NTM: variants seen among roughly 807,000 people sequenced by gnomAD.
NTM encodes IgLON family member 2.
In NTM, 13 loss-of-function variants were observed where a neutral mutation model predicts 42.1. That is an observed-to-expected ratio of 0.31 (90% CI 0.20 to 0.49). The LOEUF (loss-of-function observed/expected upper bound fraction) is 0.49, where lower values mean the gene tolerates loss of function less well. Ranked by LOEUF, NTM falls within the 20% of genes least tolerant of loss-of-function variation. The pLI, the probability that NTM is intolerant of heterozygous loss-of-function variation, is 0.99. For synonymous variants in NTM, 187 were observed against 179.2 expected, an observed-to-expected ratio of 1.04 and a Z score of -0.35; for missense variants, 373 against 452.8, an observed-to-expected ratio of 0.82 and a Z score of 1.60.
At chr11:132,272,120 T>A (rs374116760) in intron 4 of NTM, among the ~76,000 whole-genome samples, 1 of 152,100 alleles carries the variant, frequency 6.6e-6, no homozygotes, top group African/African-American at 2.4e-5. Context: ...CATCATTTGT[T>A]GAAAAGACTA....
At chr11:131,907,470 C>CTT (rs962956632) in intron 1 of NTM, among the ~76,000 whole-genome samples, 2 of 152,198 alleles carry the variant, frequency 1.3e-5, no homozygotes, top group African/African-American at 4.8e-5. Flanking sequence ...TGATTGTTTC[C>CTT]TTTTGCTCAG....
Position 131,657,543 on chromosome 11 carries a change from C to A in NTM, c.83-254021C>A, listed in dbSNP as rs555822144. 5.7e-4 allele frequency among the ~76,000 whole-genome samples: 87 copies of A among 152,302 alleles called. 2 individuals carry two copies. The South Asian group carries it at 0.014, about 25-fold the overall frequency. On this transcript the variant is annotated intron_variant, in intron 1 of 8. Transcript: ENST00000683400. ...TTGTTATTAGCACCAAAATAGAAGA[C>A]ACTTCTCCACTGTCTCCTCAGAACA...
chr11:131,917,957 C>A (rs931642645), intron 2 of NTM, among the ~76,000 whole-genome samples: 1 of 152,226 alleles, frequency 6.6e-6, no homozygotes, highest in African/African-American at 2.4e-5. Flanking sequence ...TCACTGAAAG[C>A]TAGAGGAGGC....
At chr11:132,182,640 T>C (rs2077743877) in intron 3 of NTM, among the ~76,000 whole-genome samples, 1 of 152,224 alleles carries the variant, frequency 6.6e-6, no homozygotes, top group Admixed American at 6.5e-5. Context: ...AGTAGTAATC[T>C]GGTAGCTATC....
chr11:131,827,592 A>G (rs1301328987), intron 1 of NTM, among the ~76,000 whole-genome samples: 2 of 152,162 alleles, frequency 1.3e-5, no homozygotes, highest in African/African-American at 4.8e-5. Context: ...GTTTTGTCCA[A>G]AACCTGAAGC....
At chr11:132,111,915 A>G (rs2063259160) in intron 2 of NTM, among the ~76,000 whole-genome samples, 1 of 152,254 alleles carries the variant, frequency 6.6e-6, no homozygotes, top group Admixed American at 6.5e-5. Context: ...CTTGAGGCAG[A>G]AGGAAACCAG....
chr11:131,781,985 T>C (rs2088230603), intron 1 of NTM, among the ~76,000 whole-genome samples: 1 of 152,216 alleles, frequency 6.6e-6, no homozygotes, highest in African/African-American at 2.4e-5. Context: ...CACAGCATGG[T>C]GGAGGACTCC....
At chr11:132,154,450 A>G (rs538963450) in intron 3 of NTM, among the ~76,000 whole-genome samples, 9 of 151,886 alleles carry the variant, frequency 5.9e-5, no homozygotes, top group South Asian at 2.1e-4. Flanking sequence ...CAATACGTCA[A>G]TTTTCAAAAT....
intron 1 of NTM, among the ~76,000 whole-genome samples, chr11:131,716,300 G>T (rs879616337): frequency 1.3e-5 from 2 of 152,086 alleles, no homozygotes; most frequent in South Asian, 2.1e-4. Context: ...TTGAGAGTTA[G>T]AATTCCTTTC....
At chr11:131,843,524 C>A (rs748961688) in intron 1 of NTM, among the ~76,000 whole-genome samples, 6 of 152,294 alleles carry the variant, frequency 3.9e-5, no homozygotes, top group Admixed American at 2.0e-4. Flanking sequence ...TATTGCAAGA[C>A]CTGTGGGCTG....
At chr11:131,869,373 T>C (rs2047551266) in intron 1 of NTM, among the ~76,000 whole-genome samples, 1 of 152,200 alleles carries the variant, frequency 6.6e-6, no homozygotes, top group African/African-American at 2.4e-5. Flanking sequence ...AACAACTCCT[T>C]CTACCTTTCG....
At chr11:132,197,013 A>T (rs750742369) in intron 3 of NTM, among the ~76,000 whole-genome samples, 21 of 152,248 alleles carry the variant, frequency 1.4e-4, no homozygotes, top group Non-Finnish European at 2.9e-4. Flanking sequence ...AGGGAGGTTA[A>T]GGCTGATGGC....
intron 4 of NTM, among the ~76,000 whole-genome samples, chr11:132,272,345 G>A (rs1314555853): frequency 6.6e-6 from 1 of 152,032 alleles, no homozygotes; most frequent in African/African-American, 2.4e-5. Context: ...TTTCAATATT[G>A]TTTTAGTTCT....
intron 7 of NTM, among the ~76,000 whole-genome samples, chr11:132,319,867 C>G (rs976351860): frequency 1.3e-5 from 2 of 152,216 alleles, no homozygotes; most frequent in South Asian, 2.1e-4. Context: ...AGGCACCCCC[C>G]AGTAGGGGCA....
chr11:132,221,673 C>G (rs1459392307), intron 4 of NTM, among the ~76,000 whole-genome samples: 1 of 152,176 alleles, frequency 6.6e-6, no homozygotes, highest in East Asian at 1.9e-4. Context: ...GATGCAAGCT[C>G]AAGTTTGAGA....
At chr11:132,190,183 A>G (rs1004651718) in intron 3 of NTM, among the ~76,000 whole-genome samples, 4 of 152,172 alleles carry the variant, frequency 2.6e-5, no homozygotes, top group African/African-American at 7.2e-5. Context: ...GTTACATTCC[A>G]ATGAGAAGAG....
At chr11:131,777,966 T>C (rs1301685419) in intron 1 of NTM, among the ~76,000 whole-genome samples, 1 of 152,194 alleles carries the variant, frequency 6.6e-6, no homozygotes, top group African/African-American at 2.4e-5. Context: ...GCATAGATCA[T>C]TGGTGGATTT....
intron 1 of NTM, among the ~76,000 whole-genome samples, chr11:131,530,145 C>T (rs757172788): frequency 3.9e-5 from 6 of 152,172 alleles, no homozygotes; most frequent in Non-Finnish European, 5.9e-5. Context: ...TTACCAGGCA[C>T]TTTAAGGCAA....
intron 4 of NTM, among the ~76,000 whole-genome samples, chr11:132,307,440 T>C (rs895062498): frequency 6.6e-6 from 1 of 152,166 alleles, no homozygotes; most frequent in African/African-American, 2.4e-5. Context: ...AGTAATTCTC[T>C]AGGCACTGTG....
Sources: gnomAD v4.1 joint callset for allele counts (sites outside exome capture counted in the v4.1 genomes callset) on GRCh38, gnomAD v4.1.1 for gene constraint, MANE v1.5 for transcripts, NCBI Gene and HGNC (gene_info 2026-07-23, HGNC 2026-07-21) for gene names.